The following FSHR variants were observed in gnomAD, a reference collection of about 807,000 sequenced individuals.
FSHR encodes follicle stimulating hormone receptor.
A neutral mutation model predicts 52.1 loss-of-function variants in FSHR; 46 were observed. The ratio of observed to expected loss-of-function variants is 0.88; its 90% CI spans 0.70 to 1.13. The LOEUF (loss-of-function observed/expected upper bound fraction) is 1.13. FSHR is among the 50% of genes most tolerant of loss of function. FSHR has a pLI of 0.00. For synonymous variants in FSHR, 399 were observed against 309.6 expected (o/e 1.29, Z -3.03); for missense variants, 964 against 834.6 (o/e 1.16, Z -1.91).
chr2:48,991,375 G>A (rs1675770567), intron 4 of FSHR, among the ~76,000 whole-genome samples: 1 of 152,186 alleles, frequency 6.6e-6, no homozygotes, highest in Non-Finnish European at 1.5e-5. Context: ...CTGGTGATTA[G>A]TTCCTAATCC....
At chr2:49,132,063 T>A (rs1374059752) in intron 1 of FSHR, among the ~76,000 whole-genome samples, 2 of 152,150 alleles carry the variant, frequency 1.3e-5, no homozygotes, top group Non-Finnish European at 2.9e-5. Context: ...ATTAAAAGAG[T>A]CTATGTGTCA....
chr2:49,020,936 CAG>C (rs1263347104), intron 2 of FSHR, among the ~76,000 whole-genome samples: 3 of 152,042 alleles, frequency 2.0e-5, no homozygotes, highest in Non-Finnish European at 2.9e-5. Context: ...TGGGGCCTGT[CAG>C]GGGGTAGGAT....
At chr2:48,973,797 C>A (rs971236819) in intron 8 of FSHR, among the ~76,000 whole-genome samples, 1 of 152,196 alleles carries the variant, frequency 6.6e-6, no homozygotes, top group Non-Finnish European at 1.5e-5. Context: ...AGACAGATCA[C>A]CCCAGCCAAC....
At chr2:49,050,388 G>C (rs1023970493) in intron 2 of FSHR, among the ~76,000 whole-genome samples, 2 of 152,176 alleles carry the variant, frequency 1.3e-5, no homozygotes, top group African/African-American at 4.8e-5. Flanking sequence ...TAGGAGTAGA[G>C]AATCACTCTA....
chr2:49,126,019 A>C lies in FSHR; in HGVS notation c.152+28247T>G, dbSNP rs1294847996. ...TTAATCATAACAAGCCAGAAGAAAG[A>C]GTCTGGTAGGAGAAGCAGAATTTCC... On this transcript the variant is annotated intron_variant, in intron 1 of 9. Transcript: ENST00000406846. Among the ~76,000 whole-genome samples, 2 of 152,212 alleles carry C rather than the reference A, an allele frequency of 1.3e-5. 1 individual carries two copies. The highest frequency in any genetic ancestry group is 2.9e-5 in the Non-Finnish European group (2 of 68,034).
intron 2 of FSHR, among the ~76,000 whole-genome samples, chr2:49,050,312 G>A (rs1668807532): frequency 6.6e-6 from 1 of 152,128 alleles, no homozygotes. Flanking sequence ...ACCCAGAAAT[G>A]AGTTTGCAAG....
chr2:49,024,992 C>T (rs537874913), intron 2 of FSHR, among the ~76,000 whole-genome samples: 1 of 152,202 alleles, frequency 6.6e-6, no homozygotes, highest in African/African-American at 2.4e-5. Context: ...GTGACATTGC[C>T]CTTTATCTTA....
At chr2:49,014,828 G>A (rs1000908086) in intron 4 of FSHR, 2 of 449,534 alleles carry the variant, frequency 4.4e-6, no homozygotes, top group African/African-American at 4.1e-5. Context: ...GATAGTTTAT[G>A]AATGAAAGTG....
At chr2:48,988,893 A>G in intron 6 of FSHR, 84 bp downstream of exon 6, 1 of 1,176,986 alleles carries the variant, frequency 8.5e-7, no homozygotes, top group South Asian at 1.3e-5. Flanking sequence ...TACCCAAACA[A>G]AAAAGGAGCA....
intron 1 of FSHR, among the ~76,000 whole-genome samples, chr2:49,112,677 A>G (rs1034186409): frequency 1.3e-5 from 2 of 152,178 alleles, no homozygotes; most frequent in African/African-American, 4.8e-5. Flanking sequence ...AACCACTTGA[A>G]CCATTGCTGA....
At chr2:49,072,362 A>C (rs557233171) in intron 1 of FSHR, among the ~76,000 whole-genome samples, 2 of 152,276 alleles carry the variant, frequency 1.3e-5, no homozygotes, top group South Asian at 2.1e-4. Flanking sequence ...AACTCATTGG[A>C]TATAGGTAAA....
chr2:49,130,968 A>G (rs552987346), intron 1 of FSHR, among the ~76,000 whole-genome samples: 1 of 152,304 alleles, frequency 6.6e-6, no homozygotes, highest in South Asian at 2.1e-4. Context: ...TTCTCTATTT[A>G]GTACAAAAAA....
rs193267519 is a variant in FSHR, at chr2:49,058,139, T to A, written c.224+10080A>T. On this transcript the variant is annotated intron_variant, in intron 2 of 9. Transcript: ENST00000406846. ...ATAATTCCCACCATCACCACTCTTA[T>A]GTAACATAGTATTGAAAGTTCAAAC... 2.7e-3 allele frequency among the ~76,000 whole-genome samples: 406 copies of A among 152,306 alleles called. 2 individuals are homozygous for A. The highest frequency in any genetic ancestry group is 9.3e-3 in the African/African-American group (388 of 41,562).
At chr2:49,147,092 A>AT (rs567285231) in intron 1 of FSHR, among the ~76,000 whole-genome samples, 1 of 152,088 alleles carries the variant, frequency 6.6e-6, no homozygotes, top group African/African-American at 2.4e-5. Context: ...TCCTTTGAAG[A>AT]TTTTCAGATC....
intron 1 of FSHR, among the ~76,000 whole-genome samples, chr2:49,109,574 C>G (rs1671352638): frequency 6.6e-6 from 1 of 151,968 alleles, no homozygotes; most frequent in African/African-American, 2.4e-5. Context: ...ACTGGGGGGA[C>G]AGTGTGGTGA....
chr2:48,963,615 G>A lies in FSHR; in HGVS notation c.1206C>T (p.Cys402=). ...TGCAGAGATCAGCAAAGGCCAGGTT[G>A]CACATAAGGAACCTGGGGACTGTGA... The part of the protein sequence containing the change: ...YKLTVPRFLM[C]NLAFADLCIG... The change falls in exon 10 of 10, where the codon TGC becomes TGT. Residue 402 remains cysteine, a synonymous_variant. Transcript: ENST00000406846. 6.2e-7 allele frequency: 1 copy of A among 1,614,208 alleles called. No individual in the cohort carries two copies. The highest frequency in any genetic ancestry group is 8.5e-7 in the Non-Finnish European group (1 of 1,180,030).
chr2:49,021,863 C>CTCTCTCTATATATATATA (rs1467766420), intron 2 of FSHR, among the ~76,000 whole-genome samples: 2 of 49,856 alleles, frequency 4.0e-5, no homozygotes, highest in Non-Finnish European at 7.4e-5. Context: ...CTCTCTCTCT[C>CTCTCTCTATATATATATA]TATATATATA....
intron 1 of FSHR, among the ~76,000 whole-genome samples, chr2:49,094,148 A>C (rs1360543311): frequency 1.3e-5 from 2 of 152,170 alleles, no homozygotes; most frequent in Non-Finnish European, 2.9e-5. Context: ...CTTCAAATAA[A>C]TTTTTAAGTA....
chr2:49,032,849 G>C (rs1668147312), intron 2 of FSHR, among the ~76,000 whole-genome samples: 1 of 152,054 alleles, frequency 6.6e-6, no homozygotes, highest in Non-Finnish European at 1.5e-5. Flanking sequence ...CCCCCTTCCT[G>C]CTTCCATGAT....
Sources: allele counts gnomAD v4.1 joint callset (sites outside exome capture counted in the v4.1 genomes callset), GRCh38; gene constraint gnomAD v4.1.1; transcripts MANE v1.5; gene names NCBI Gene and HGNC (gene_info 2026-07-23, HGNC 2026-07-21).